The following PTCD3 variants were observed in gnomAD, a reference collection of about 807,000 sequenced individuals.
The protein encoded by PTCD3 is pentatricopeptide repeat domain 3.
A neutral mutation model predicts 101.9 loss-of-function variants in PTCD3; 89 were observed. The observed-to-expected ratio is 0.87, with a 90% CI of 0.74 to 1.04. The LOEUF is 1.04. Among genes scored for constraint, PTCD3 ranks in the 50% least tolerant of loss-of-function variants. The probability of loss-of-function intolerance (pLI) is 0.00; values close to 1 mark genes in which losing one functional copy is unlikely to be tolerated. For synonymous variants in PTCD3, 296 were observed against 278.5 expected, an observed-to-expected ratio of 1.06 and a Z score of -0.63; for missense variants, 870 against 828.2, an observed-to-expected ratio of 1.05 and a Z score of -0.62.
intron 1 of PTCD3, 54 bp downstream of exon 1, chr2:86,106,405 A>T: frequency 3.9e-6 from 6 of 1,548,508 alleles, no homozygotes; most frequent in Non-Finnish European, 5.3e-6. Context: ...CCTTAGTCCT[A>T]TGTTTCCCAG....
intron 19 of PTCD3, 57 bp downstream of exon 19, chr2:86,133,493 A>G: frequency 6.9e-7 from 1 of 1,452,024 alleles, no homozygotes; most frequent in Admixed American, 1.8e-5. Flanking sequence ...CTCTACTTTG[A>G]TAATGAATGT....
At chr2:86,117,258 C>G in intron 6 of PTCD3, 99 bp downstream of exon 6, 1 of 566,812 alleles carries the variant, frequency 1.8e-6, no homozygotes, top group South Asian at 2.9e-5. Flanking sequence ...TGAATACCCT[C>G]AATATTTGGA....
At chr2:86,129,223 C>T (rs1674452837) in intron 14 of PTCD3, among the ~76,000 whole-genome samples, 1 of 152,174 alleles carries the variant, frequency 6.6e-6, no homozygotes, top group African/African-American at 2.4e-5. Flanking sequence ...AAGTATATTC[C>T]TTTCCTCTGT....
At chr2:86,115,120 A>G (rs1218540242) in intron 4 of PTCD3, among the ~76,000 whole-genome samples, 2 of 152,214 alleles carry the variant, frequency 1.3e-5, no homozygotes, top group Non-Finnish European at 2.9e-5. Flanking sequence ...AACCATTCTT[A>G]GCAGTTCTAG....
chr2:86,131,281 G>A (rs1172268584), intron 16 of PTCD3, among the ~76,000 whole-genome samples, 175 bp downstream of exon 16: 4 of 151,280 alleles, frequency 2.6e-5, no homozygotes, highest in African/African-American at 9.7e-5. Flanking sequence ...GGTTCACTGT[G>A]TCCCCCATGC....
At chr2:86,127,718 CTAA>C in intron 13 of PTCD3, 1 of 548,646 alleles carries the variant, frequency 1.8e-6, no homozygotes, top group East Asian at 3.1e-5. Context: ...AAGAATGTGA[CTAA>C]TAAGTATTTG....
chr2:86,133,082 T>C, intron 17 of PTCD3, 96 bp from the exon 18 acceptor site: 3 of 1,477,220 alleles, frequency 2.0e-6, no homozygotes, highest in Non-Finnish European at 2.7e-6. Context: ...TTTGAAATTC[T>C]TTGTAACATA....
rs962079964 is a variant in PTCD3 at position 86,131,740 on chromosome 2, T to C, written c.1267-578T>C. On this transcript the variant is annotated intron_variant, in intron 16 of 23. Transcript: ENST00000254630. ...ACCTTGTTCCCTAAGGGTAATTTAA[T>C]TGCTTTACTATTAGATTGGTGCAAA... 1.3e-5 allele frequency among the ~76,000 whole-genome samples: 2 copies of C among 152,236 alleles called. 1 individual carries two copies. Among genetic ancestry groups the C allele is most frequent in the South Asian group, 4.1e-4 (2 of 4,838 alleles).
In PTCD3 at chr2:86,124,496, G is replaced by A. The variant is rs533652786; in HGVS notation, c.717-499G>A. On this transcript the variant is annotated intron_variant, in intron 9 of 23. Transcript: ENST00000254630. ...AACAATTAGCTAGGCGTGGTGGCAC[G>A]TGCCTGTAATTCCAGCTACTCGAGA... Among the ~76,000 whole-genome samples, 9 of 152,258 alleles carry A rather than the reference G, an allele frequency of 5.9e-5. No homozygotes were observed. The South Asian group carries it at 1.7e-3, about 28-fold the overall frequency.
chr2:86,130,927 TGTG>T, intron 15 of PTCD3, 148 bp from the exon 16 acceptor site: 1 of 1,409,602 alleles, frequency 7.1e-7, no homozygotes, highest in East Asian at 2.6e-5. Context: ...AAGCCAAAAT[TGTG>T]GTACATTCCT....
chr2:86,137,643 T>C lies in PTCD3; in HGVS notation c.*84T>C. 1.9e-6 allele frequency: 3 copies of C among 1,569,270 alleles called. No individual in the cohort carries two copies. Among genetic ancestry groups the C allele is most frequent in the Non-Finnish European group, 2.6e-6 (3 of 1,156,616 alleles). ...AACTGAGATATACCAATATTTAACATTGTTACAAAGAAGAAAAGATACAGA... is the reference window on the plus strand; with the variant it reads ...AACTGAGATATACCAATATTTAACACTGTTACAAAGAAGAAAAGATACAGA... On this transcript the variant is annotated 3_prime_UTR_variant, in exon 24 of 24. Coordinates refer to ENST00000254630, the MANE Select transcript of PTCD3 (RefSeq NM_017952.6).
At chr2:86,128,194 C>G (rs951454790) in intron 14 of PTCD3, among the ~76,000 whole-genome samples, 12 of 151,690 alleles carry the variant, frequency 7.9e-5, no homozygotes, top group African/African-American at 2.9e-4. Flanking sequence ...CTCCTGGGCT[C>G]AAACAGTCCT....
rs910281497 is a variant in PTCD3, at chr2:86,140,680, A to G, written c.*3121A>G. 6.6e-6 allele frequency: 1 copy of G among 152,104 alleles called. No individual in the cohort carries two copies. Among genetic ancestry groups the G allele is most frequent in the African/African-American group, 2.4e-5 (1 of 41,406 alleles). The allele number at this position is 152,104 out of a possible 1,614,324, so 9.4% of individuals were successfully genotyped here. A position where few individuals can be genotyped will look rare whatever the true frequency, so the allele number is the denominator to read the frequency against. On this transcript the variant is annotated 3_prime_UTR_variant, in exon 24 of 24. Transcript: ENST00000254630. The stretch of plus-strand genomic sequence containing the variant: ...TTTACCAAAAAAATGGGTGTATTTG[A>G]TTTGGGTGCTGTAAGGCAATTTGCT...
rs778164324 is a variant in PTCD3, at chr2:86,141,491, GC to G, written c.*3933del. Reference sequence around the variant, plus strand: ...ACCACTCATTTGGGACTTGGAGACTGCTTTTATCCAGAACCTGTTAAGAGAA... The same window carrying G: ...ACCACTCATTTGGGACTTGGAGACTGTTTTATCCAGAACCTGTTAAGAGAA... On this transcript the variant is annotated 3_prime_UTR_variant, in exon 24 of 24. Transcript: ENST00000254630. The G allele has an allele frequency of 1.3e-5, 2 of 152,340 alleles. No homozygotes were observed. Among genetic ancestry groups the G allele is most frequent in the Non-Finnish European group, 2.9e-5 (2 of 68,052 alleles). 9.4% of individuals were successfully genotyped at this position (152,340 alleles called of 1,614,324 possible).
chr2:86,119,279 A>C, intron 7 of PTCD3: 1 of 519,992 alleles, frequency 1.9e-6, no homozygotes, highest in South Asian at 2.6e-5. Context: ...TGGTAGAGAA[A>C]TTGTATCACC....
At chr2:86,108,463 A>C in intron 2 of PTCD3, 37 bp from the exon 3 acceptor site, 1 of 1,588,998 alleles carries the variant, frequency 6.3e-7, no homozygotes. Context: ...CCATTGTAGT[A>C]CTAGGAAACT....
At chr2:86,124,842 A>G (rs554458323) in intron 9 of PTCD3, among the ~76,000 whole-genome samples, 153 bp from the exon 10 acceptor site, 1 of 152,230 alleles carries the variant, frequency 6.6e-6, no homozygotes, top group Non-Finnish European at 1.5e-5. Context: ...CCATTTTCAA[A>G]ATGATAATAA....
intron 3 of PTCD3, among the ~76,000 whole-genome samples, chr2:86,109,330 C>T (rs1050239167): frequency 4.6e-5 from 7 of 151,686 alleles, no homozygotes; most frequent in Non-Finnish European, 8.8e-5. Context: ...TGGCGTGAAC[C>T]CGGGAGACGG....
chr2:86,135,019 A>G, intron 21 of PTCD3, 32 bp downstream of exon 21: 1 of 1,574,852 alleles, frequency 6.3e-7, no homozygotes. Flanking sequence ...TACACTTTAG[A>G]AGCTTTTGTA....
Sources: gnomAD v4.1 joint callset for allele counts (sites outside exome capture counted in the v4.1 genomes callset) on GRCh38, gnomAD v4.1.1 for gene constraint, MANE v1.5 for transcripts, NCBI Gene and HGNC (gene_info 2026-07-23, HGNC 2026-07-21) for gene names.